MILR1: variants seen among roughly 807,000 people sequenced by gnomAD.
MILR1 encodes allergin-1.
MILR1 carries 31 observed loss-of-function variants against 18.5 expected under a neutral mutation model. The observed-to-expected ratio is 1.68, with a 90% confidence interval of 1.26 to 2.26. The LOEUF (loss-of-function observed/expected upper bound fraction) is 2.26. MILR1 is among the 30% of genes most tolerant of loss of function. MILR1 has a pLI of 0.00. For missense variants in MILR1, 257 were observed against 157.4 expected (o/e 1.63, Z -3.38); for synonymous variants, 85 against 56.2 (o/e 1.51, Z -2.30).
intron 5 of MILR1, among the ~76,000 whole-genome samples, chr17:64,461,752 A>C (rs2037436550): frequency 6.6e-6 from 1 of 151,976 alleles, no homozygotes; most frequent in Non-Finnish European, 1.5e-5. Flanking sequence ...CTCTGTCCCC[A>C]TTACACACTA....
chr17:64,494,126 G>A, the MILR1 span, among the ~76,000 whole-genome samples: 20 of 152,102 alleles, frequency 1.3e-4, 1 homozygote, highest in Admixed American at 6.5e-5. Flanking sequence ...TTTGAATCTA[G>A]AACATTTCCC....
At chr17:64,491,063 T>G in the MILR1 span, 2 of 996,758 alleles carry the variant, frequency 2.0e-6, no homozygotes, top group East Asian at 5.0e-5. Flanking sequence ...TGTCCGATAC[T>G]TTTTATTCAG....
the MILR1 span, among the ~76,000 whole-genome samples, chr17:64,475,860 C>T: frequency 7.4e-6 from 1 of 134,762 alleles, no homozygotes; most frequent in African/African-American, 2.9e-5. Context: ...GTCACCCAGG[C>T]TGGAGTACAA....
At chr17:64,464,798 C>A (rs981108272) in intron 5 of MILR1, among the ~76,000 whole-genome samples, 1 of 152,200 alleles carries the variant, frequency 6.6e-6, no homozygotes, top group Non-Finnish European at 1.5e-5. Flanking sequence ...GTGGCACATG[C>A]CTGTAATCCC....
chr17:64,477,850 C>T, the MILR1 span: 50 of 1,607,664 alleles, frequency 3.1e-5, no homozygotes, highest in Admixed American at 1.3e-4. Context: ...ATGATATATA[C>T]TTAATCAAAA....
intron 8 of MILR1, among the ~76,000 whole-genome samples, chr17:64,466,997 CTCT>C (rs1424538869): frequency 3.3e-5 from 5 of 151,712 alleles, no homozygotes; most frequent in African/African-American, 1.2e-4. Context: ...CTTTCTGTCT[CTCT>C]TTATTTTTTC....
chr17:64,452,082 G>GTTTTTTTTTTTT (rs34558703), intron 2 of MILR1, among the ~76,000 whole-genome samples: 1 of 137,162 alleles, frequency 7.3e-6, no homozygotes, highest in Non-Finnish European at 1.6e-5. Flanking sequence ...TCCCAGCTAT[G>GTTTTTTTTTTTT]TTTTTTTTTT....
intron 4 of MILR1, among the ~76,000 whole-genome samples, chr17:64,458,082 T>C (rs2037339540): frequency 6.6e-6 from 1 of 152,178 alleles, no homozygotes; most frequent in Non-Finnish European, 1.5e-5. Flanking sequence ...TCTTTGTTTT[T>C]TCATCATTTG....
At chr17:64,480,199 T>C in the MILR1 span, 1 of 351,530 alleles carries the variant, frequency 2.8e-6, no homozygotes, top group East Asian at 6.1e-5. Flanking sequence ...ATTTTATATA[T>C]AAATTTAGAA....
intron 8 of MILR1, 82 bp from the exon 9 acceptor site, chr17:64,467,483 C>A: frequency 2.5e-6 from 2 of 807,114 alleles, no homozygotes; most frequent in Non-Finnish European, 4.0e-6. Flanking sequence ...GTCAGGCCAC[C>A]CAGCTACTAG....
chr17:64,491,643 G>A, the MILR1 span: 1 of 1,438,800 alleles, frequency 7.0e-7, no homozygotes, highest in Non-Finnish European at 9.7e-7. Context: ...GTTTCAAAGA[G>A]GTTACTACTG....
downstream of MILR1, chr17:64,468,717 G>C: frequency 1.3e-6 from 1 of 747,108 alleles, no homozygotes; most frequent in Non-Finnish European, 1.7e-6. Flanking sequence ...TTTTCCACTG[G>C]TCAGCACTGT....
At chr17:64,458,468 C>T (rs1245186619) in intron 4 of MILR1, among the ~76,000 whole-genome samples, 1 of 151,968 alleles carries the variant, frequency 6.6e-6, no homozygotes, top group African/African-American at 2.4e-5. Flanking sequence ...CCACCTCGGC[C>T]TCCCAAAATG....
the MILR1 span, among the ~76,000 whole-genome samples, chr17:64,490,312 C>G: frequency 6.6e-6 from 1 of 152,132 alleles, no homozygotes; most frequent in Non-Finnish European, 1.5e-5. Context: ...GTTAACATCA[C>G]CAGTAACACT....
the MILR1 span, chr17:64,485,418 CT>C: frequency 5.5e-6 from 2 of 362,714 alleles, no homozygotes; most frequent in Non-Finnish European, 1.0e-5. Context: ...TGTACCAATG[CT>C]TCAGCTTCTG....
At chr17:64,490,400 C>T in the MILR1 span, 6 of 236,994 alleles carry the variant, frequency 2.5e-5, no homozygotes, top group East Asian at 1.1e-4. Context: ...ACATAAATCA[C>T]GTGGAAACAG....
intron 4 of MILR1, among the ~76,000 whole-genome samples, chr17:64,459,010 C>A (rs1342952311): frequency 6.6e-6 from 1 of 152,162 alleles, no homozygotes; most frequent in East Asian, 1.9e-4. Context: ...GCGGGGCAGC[C>A]CGGGACTTCA....
the MILR1 span, among the ~76,000 whole-genome samples, chr17:64,496,226 C>A: frequency 6.6e-6 from 1 of 152,172 alleles, no homozygotes; most frequent in Non-Finnish European, 1.5e-5. Flanking sequence ...AGCAATGATT[C>A]CATGGACCAG....
chr17:64,496,601 T>C, the MILR1 span: 1 of 1,613,534 alleles, frequency 6.2e-7, no homozygotes, highest in Non-Finnish European at 8.5e-7. Context: ...GAATACCTGC[T>C]CCCTGAACAC....
Sources: allele counts gnomAD v4.1 joint callset (sites outside exome capture counted in the v4.1 genomes callset), GRCh38; gene constraint gnomAD v4.1.1; transcripts MANE v1.5; gene names NCBI Gene and HGNC (gene_info 2026-07-23, HGNC 2026-07-21).